CNTN5: variants seen among roughly 807,000 people sequenced by gnomAD.
CNTN5 encodes contactin 5.
Under a neutral mutation model 129.1 loss-of-function variants are expected in CNTN5, and 77 were observed. The observed-to-expected ratio is 0.60, with a 90% confidence interval of 0.50 to 0.72. The LOEUF (loss-of-function observed/expected upper bound fraction) is 0.72, where lower values mean the gene tolerates loss of function less well. Among genes scored for constraint, CNTN5 ranks in the 30% least tolerant of loss-of-function variants. The pLI is 0.00. For synonymous variants in CNTN5, 509 were observed against 465.6 expected, an observed-to-expected ratio of 1.09 and a Z score of -1.20; for missense variants, 1,478 against 1,328.8, an observed-to-expected ratio of 1.11 and a Z score of -1.75.
Position 100,041,671 on chromosome 11 carries a change from G to T in CNTN5, c.981-19541G>T, listed in dbSNP as rs11222493. Among the ~76,000 whole-genome samples, 1,062 of 152,124 alleles carry T rather than the reference G, an allele frequency of 7.0e-3. 19 individuals are homozygous for T. Among genetic ancestry groups the T allele is most frequent in the African/African-American group, 0.024 (992 of 41,492 alleles). On this transcript the variant is annotated intron_variant, in intron 9 of 24. Transcript: ENST00000524871. ...CCAATTGCCTATAGTTGGGACATAGGCTGACCTCAGCATTTATTGCTTTCA... is the reference window on the plus strand; with the variant it reads ...CCAATTGCCTATAGTTGGGACATAGTCTGACCTCAGCATTTATTGCTTTCA...
At chr11:100,208,698 A>G (rs961458922) in intron 15 of CNTN5, among the ~76,000 whole-genome samples, 1 of 152,204 alleles carries the variant, frequency 6.6e-6, no homozygotes, top group African/African-American at 2.4e-5. Context: ...TCCAACTTGC[A>G]ACTTTCATAC....
intron 2 of CNTN5, among the ~76,000 whole-genome samples, chr11:99,535,049 T>C (rs538085514): frequency 4.6e-5 from 7 of 152,292 alleles, no homozygotes; most frequent in Admixed American, 3.9e-4. Context: ...ATGTAGTATG[T>C]ATGCCATAGG....
intron 1 of CNTN5, among the ~76,000 whole-genome samples, chr11:99,218,677 T>C (rs1860250636): frequency 6.6e-6 from 1 of 152,160 alleles, no homozygotes; most frequent in Non-Finnish European, 1.5e-5. Flanking sequence ...CACAAATACC[T>C]ATTTTACTCT....
chr11:100,255,428 CTGAT>C (rs1325404726), intron 16 of CNTN5, among the ~76,000 whole-genome samples: 2 of 152,060 alleles, frequency 1.3e-5, no homozygotes, highest in Admixed American at 6.5e-5. Context: ...CCTCTGTAAA[CTGAT>C]TGATTTCAGC....
chr11:99,826,976 T>TAA (rs1591265803), intron 4 of CNTN5, among the ~76,000 whole-genome samples: 1 of 152,200 alleles, frequency 6.6e-6, no homozygotes, highest in Non-Finnish European at 1.5e-5. Flanking sequence ...GTAGCAGAGA[T>TAA]AAAGAGAAAA....
chr11:99,450,694 A>G (rs1482731910), intron 2 of CNTN5, among the ~76,000 whole-genome samples: 1 of 151,012 alleles, frequency 6.6e-6, no homozygotes, highest in Non-Finnish European at 1.5e-5. Flanking sequence ...TCATCTCAGT[A>G]TGAGAGCTGA....
At chr11:100,009,966 G>T (rs1367358715) in intron 9 of CNTN5, among the ~76,000 whole-genome samples, 1 of 152,056 alleles carries the variant, frequency 6.6e-6, no homozygotes, top group Non-Finnish European at 1.5e-5. Flanking sequence ...AATGATGAGT[G>T]TTGACTTTTC....
intron 7 of CNTN5, among the ~76,000 whole-genome samples, chr11:99,948,241 G>A (rs981942857): frequency 1.3e-5 from 2 of 152,192 alleles, no homozygotes; most frequent in Non-Finnish European, 2.9e-5. Flanking sequence ...AAGTGGAGAT[G>A]AGGAATAGTA....
In CNTN5 at chr11:99,026,464, A is replaced by G. The variant is rs569967838; in HGVS notation, c.-210+5194A>G. On this transcript the variant is annotated intron_variant, in intron 1 of 24. Coordinates refer to ENST00000524871, the MANE Select transcript of CNTN5 (RefSeq NM_014361.4). ...TAAGAGAATTGAAACTCTAAGCTTC[A>G]TAATTCTATTTAATACTCTCTTCCT... 1.1e-4 allele frequency among the ~76,000 whole-genome samples: 17 copies of G among 151,746 alleles called. No individual in the cohort carries two copies. The East Asian group carries it at 1.9e-3, about 17-fold the overall frequency.
intron 1 of CNTN5, among the ~76,000 whole-genome samples, chr11:99,224,719 G>A (rs901120018): frequency 2.3e-5 from 3 of 133,252 alleles, no homozygotes; most frequent in African/African-American, 8.7e-5. Context: ...GTTCAGTGCC[G>A]TGATCTCGGC....
intron 9 of CNTN5, among the ~76,000 whole-genome samples, chr11:100,039,526 A>G (rs1455509482): frequency 6.6e-6 from 1 of 152,088 alleles, no homozygotes; most frequent in Non-Finnish European, 1.5e-5. Context: ...GCCTTGCTAG[A>G]TTGGGGAAGT....
chr11:99,647,675 TTTCTC>T (rs1437499002), intron 3 of CNTN5, among the ~76,000 whole-genome samples: 1 of 151,964 alleles, frequency 6.6e-6, no homozygotes, highest in Non-Finnish European at 1.5e-5. Context: ...GAATATGAGA[TTTCTC>T]TTCATTTTTT....
At chr11:99,785,893 A>G (rs1591173993) in intron 3 of CNTN5, among the ~76,000 whole-genome samples, 1 of 152,160 alleles carries the variant, frequency 6.6e-6, no homozygotes, top group South Asian at 2.1e-4. Flanking sequence ...CTCACAGCCA[A>G]TATTATACTG....
At chr11:99,165,516 A>T (rs868765158) in intron 1 of CNTN5, among the ~76,000 whole-genome samples, 8 of 152,124 alleles carry the variant, frequency 5.3e-5, no homozygotes, top group Admixed American at 1.3e-4. Context: ...GAAGGACACC[A>T]ACTTTATTTT....
chr11:99,653,401 T>C (rs1163215835), intron 3 of CNTN5, among the ~76,000 whole-genome samples: 1 of 151,998 alleles, frequency 6.6e-6, no homozygotes, highest in Non-Finnish European at 1.5e-5. Context: ...TCCATCCAGA[T>C]TTGAGTCAAC....
At chr11:99,926,340 G>A (rs1950062394) in intron 7 of CNTN5, among the ~76,000 whole-genome samples, 1 of 152,130 alleles carries the variant, frequency 6.6e-6, no homozygotes, top group East Asian at 1.9e-4. Flanking sequence ...AAGGAAAAAT[G>A]AATCCTGACA....
intron 2 of CNTN5, among the ~76,000 whole-genome samples, chr11:99,350,215 A>G (rs566799971): frequency 9.1e-4 from 139 of 152,248 alleles, no homozygotes; most frequent in African/African-American, 3.3e-3. Context: ...ACCTTTTAAT[A>G]ATTGCTATGT....
At chr11:99,868,990 G>A (rs958709202) in intron 6 of CNTN5, among the ~76,000 whole-genome samples, 2 of 152,114 alleles carry the variant, frequency 1.3e-5, no homozygotes, top group African/African-American at 2.4e-5. Flanking sequence ...AAGTTGGAAC[G>A]TTCAGACCCA....
intron 18 of CNTN5, among the ~76,000 whole-genome samples, chr11:100,277,806 A>G (rs1457539704): frequency 1.3e-5 from 2 of 151,860 alleles, no homozygotes; most frequent in Non-Finnish European, 2.9e-5. Flanking sequence ...TGCTGTGTAG[A>G]AGCTTTTTAA....
Sources: allele counts gnomAD v4.1 joint callset (sites outside exome capture counted in the v4.1 genomes callset), GRCh38; gene constraint gnomAD v4.1.1; transcripts MANE v1.5; gene names NCBI Gene and HGNC (gene_info 2026-07-23, HGNC 2026-07-21).